Variants in PTPRD observed in about 807,000 individuals in gnomAD.
PTPRD encodes protein tyrosine phosphatase receptor type D.
Under a neutral mutation model 214.5 loss-of-function variants are expected in PTPRD, and 34 were observed. The observed-to-expected ratio is 0.16, with a 90% CI of 0.12 to 0.21. The LOEUF is 0.21. PTPRD is among the 10% of genes least tolerant of loss of function. PTPRD has a pLI of 1.00. For missense variants in PTPRD, 2,545 were observed against 2,398.7 expected (o/e 1.06, Z -1.27); for synonymous variants, 1,128 against 845.7 (o/e 1.33, Z -5.79).
chr9:8,840,756 A>G (rs1566525565), intron 11 of PTPRD, among the ~76,000 whole-genome samples: 1 of 150,508 alleles, frequency 6.6e-6, no homozygotes, highest in Non-Finnish European at 1.5e-5. Context: ...CCCATTCTTA[A>G]TTTTTTTTTT....
intron 10 of PTPRD, among the ~76,000 whole-genome samples, chr9:9,064,353 T>C (rs958692572): frequency 5.9e-5 from 9 of 152,178 alleles, no homozygotes; most frequent in African/African-American, 2.2e-4. Context: ...ATATAGGTCA[T>C]CAGGATTTCT....
chr9:9,972,431 C>T (rs544303404), intron 4 of PTPRD, among the ~76,000 whole-genome samples: 9 of 152,290 alleles, frequency 5.9e-5, no homozygotes, highest in African/African-American at 1.9e-4. Flanking sequence ...AAACTTACTG[C>T]TATTCCCACA....
chr9:8,686,070 G>A (rs1418045095), intron 12 of PTPRD, among the ~76,000 whole-genome samples: 1 of 152,194 alleles, frequency 6.6e-6, no homozygotes, highest in Non-Finnish European at 1.5e-5. Flanking sequence ...ACAGTCCTCT[G>A]AAAGCAAGCA....
At chr9:10,040,469 C>A (rs766035814) in intron 3 of PTPRD, among the ~76,000 whole-genome samples, 1 of 152,016 alleles carries the variant, frequency 6.6e-6, no homozygotes, top group Non-Finnish European at 1.5e-5. Context: ...TTGCCACTAC[C>A]CTGAGTGTGG....
intron 10 of PTPRD, among the ~76,000 whole-genome samples, chr9:9,059,600 T>C (rs763703188): frequency 6.6e-6 from 1 of 152,170 alleles, no homozygotes; most frequent in Non-Finnish European, 1.5e-5. Context: ...AGAAAATGTA[T>C]GTCCTTAAGC....
chr9:10,416,446 A>G (rs536128992), intron 2 of PTPRD, among the ~76,000 whole-genome samples: 1 of 152,032 alleles, frequency 6.6e-6, no homozygotes, highest in Admixed American at 6.6e-5. Flanking sequence ...TATAAAGAAG[A>G]AATAATTTGA....
chr9:9,113,649 G>A (rs532503608), intron 10 of PTPRD, among the ~76,000 whole-genome samples: 13 of 152,158 alleles, frequency 8.5e-5, no homozygotes, highest in South Asian at 4.2e-4. Flanking sequence ...AACTAAAAGC[G>A]GTGTCAATCA....
intron 9 of PTPRD, among the ~76,000 whole-genome samples, chr9:9,389,687 AACAG>A (rs894478949): frequency 3.3e-5 from 5 of 152,270 alleles, no homozygotes; most frequent in African/African-American, 7.2e-5. Context: ...TACTGTACCT[AACAG>A]ACAGTCATTC....
At chr9:8,986,843 G>A (rs908137579) in intron 11 of PTPRD, among the ~76,000 whole-genome samples, 1 of 152,064 alleles carries the variant, frequency 6.6e-6, no homozygotes, top group South Asian at 2.1e-4. Context: ...CACTCTTGCA[G>A]TTATTGAAGT....
intron 3 of PTPRD, among the ~76,000 whole-genome samples, chr9:10,264,306 G>A (rs913161217): frequency 2.0e-5 from 3 of 152,128 alleles, no homozygotes; most frequent in Non-Finnish European, 1.5e-5. Flanking sequence ...CATGTTCCTG[G>A]AAAGGTCACA....
intron 39 of PTPRD, among the ~76,000 whole-genome samples, chr9:8,362,868 A>G (rs2078852077): frequency 6.6e-6 from 1 of 152,186 alleles, no homozygotes; most frequent in Admixed American, 6.5e-5. Context: ...CATTTCTACA[A>G]TTATCATTTT....
intron 14 of PTPRD, among the ~76,000 whole-genome samples, chr9:8,556,492 G>A (rs948036053): frequency 1.3e-5 from 2 of 152,048 alleles, no homozygotes; most frequent in African/African-American, 4.8e-5. Context: ...AAAATATACT[G>A]TGCTAAAAGC....
intron 5 of PTPRD, among the ~76,000 whole-genome samples, chr9:9,918,377 A>G (rs948187610): frequency 1.3e-5 from 2 of 149,554 alleles, no homozygotes; most frequent in East Asian, 3.9e-4. Context: ...AAAACTCCAC[A>G]ATGAAAACTA....
intron 9 of PTPRD, among the ~76,000 whole-genome samples, chr9:9,231,681 G>A (rs1444447532): frequency 6.6e-6 from 1 of 151,882 alleles, no homozygotes; most frequent in East Asian, 1.9e-4. Context: ...TAAGTATATA[G>A]AACAGTAACA....
intron 2 of PTPRD, among the ~76,000 whole-genome samples, chr9:10,356,810 G>A (rs1328565760): frequency 6.6e-6 from 1 of 151,940 alleles, no homozygotes; most frequent in African/African-American, 2.4e-5. Context: ...CTTCTGAGTA[G>A]CTGGGATTAC....
intron 3 of PTPRD, among the ~76,000 whole-genome samples, chr9:10,276,921 G>A (rs1459137325): frequency 6.6e-6 from 1 of 152,178 alleles, no homozygotes; most frequent in Non-Finnish European, 1.5e-5. Flanking sequence ...GAATCTAAAT[G>A]TAATGCGAGA....
At chr9:9,871,830 G>A (rs952812316) in intron 5 of PTPRD, among the ~76,000 whole-genome samples, 2 of 152,122 alleles carry the variant, frequency 1.3e-5, no homozygotes, top group Non-Finnish European at 2.9e-5. Context: ...AAAGGGGCCT[G>A]GGGGGAGGGG....
At chr9:9,433,603 T>A (rs1339431286) in intron 8 of PTPRD, among the ~76,000 whole-genome samples, 1 of 152,164 alleles carries the variant, frequency 6.6e-6, no homozygotes, top group Non-Finnish European at 1.5e-5. Flanking sequence ...TTCCCTAACT[T>A]ACTGGAAATC....
At chr9:9,699,800 T>C (rs61099075) in intron 7 of PTPRD, among the ~76,000 whole-genome samples, 138 of 152,284 alleles carry the variant, frequency 9.1e-4, no homozygotes, top group African/African-American at 2.9e-3. Context: ...AGGTGATAAC[T>C]ATAAATCAGA....
Sources: allele counts gnomAD v4.1 joint callset (sites outside exome capture counted in the v4.1 genomes callset), GRCh38; gene constraint gnomAD v4.1.1; transcripts MANE v1.5; gene names NCBI Gene and HGNC (gene_info 2026-07-23, HGNC 2026-07-21).